CTNNA2: variants seen among roughly 807,000 people sequenced by gnomAD.
CTNNA2 encodes the protein catenin alpha-2.
In CTNNA2, 42 loss-of-function variants were observed where a neutral mutation model predicts 101.0. That is an observed-to-expected ratio of 0.42 (90% confidence interval 0.32 to 0.54). The LOEUF (loss-of-function observed/expected upper bound fraction) is 0.54. Ranked by LOEUF, CTNNA2 falls within the 20% of genes least tolerant of loss-of-function variation. The probability of loss-of-function intolerance (pLI) is 0.14; values close to 1 mark genes in which losing one functional copy is unlikely to be tolerated. For synonymous variants in CTNNA2, 450 were observed against 456.4 expected (o/e 0.99, Z 0.18); for missense variants, 871 against 1,223.1 (o/e 0.71, Z 4.29).
chr2:80,253,730 G>A (rs571910461), intron 7 of CTNNA2, among the ~76,000 whole-genome samples: 4 of 152,230 alleles, frequency 2.6e-5, no homozygotes, highest in African/African-American at 7.2e-5. Flanking sequence ...GATTCTGGAA[G>A]CATCATTGTA....
chr2:79,594,250 C>G (rs894334730), intron 1 of CTNNA2, among the ~76,000 whole-genome samples: 1 of 151,984 alleles, frequency 6.6e-6, no homozygotes, highest in Non-Finnish European at 1.5e-5. Context: ...TCTAAACCCC[C>G]CTACTGATTG....
intron 7 of CTNNA2, among the ~76,000 whole-genome samples, chr2:80,099,170 C>T (rs1573074187): frequency 6.6e-6 from 1 of 151,940 alleles, no homozygotes; most frequent in South Asian, 2.1e-4. Flanking sequence ...TGTTTCAATT[C>T]TTATGGTGGT....
rs1354958628 is a variant in CTNNA2, at chr2:79,756,742, A to G, written c.298+12160A>G. ...ATTGCACAAGATAACCAGTAACTCA[A>G]CATAAAAATGGGTGAAAGCCCTGAA... On this transcript the variant is annotated intron_variant, in intron 3 of 18. Coordinates refer to ENST00000402739, the MANE Select transcript of CTNNA2 (RefSeq NM_001282597.3). Among the ~76,000 whole-genome samples the G allele has an allele frequency of 2.0e-5, 3 of 152,346 alleles. No individual in the cohort carries two copies. The East Asian group carries it at 5.8e-4, about 29-fold the overall frequency.
At chr2:79,814,985 G>A (rs542040541) in intron 3 of CTNNA2, among the ~76,000 whole-genome samples, 1 of 152,240 alleles carries the variant, frequency 6.6e-6, no homozygotes, top group African/African-American at 2.4e-5. Context: ...GAGTAAGGTG[G>A]TATCACATTG....
At chr2:79,339,619 T>C (rs1677084310) in intron 3 of CTNNA2, 1 of 152,228 alleles carries the variant, frequency 6.6e-6, no homozygotes, top group Non-Finnish European at 1.5e-5. Flanking sequence ...TTACAGATGA[T>C]GAAACTGTGG....
chr2:79,227,544 C>G (rs557174368), intron 2 of CTNNA2, among the ~76,000 whole-genome samples: 1 of 152,124 alleles, frequency 6.6e-6, no homozygotes, highest in African/African-American at 2.4e-5. Flanking sequence ...AAGTTTGATT[C>G]CAGACAACCA....
At chr2:79,891,666 G>A (rs1574243938) in intron 6 of CTNNA2, among the ~76,000 whole-genome samples, 1 of 152,104 alleles carries the variant, frequency 6.6e-6, no homozygotes, top group East Asian at 1.9e-4. Flanking sequence ...AAGTCTACAT[G>A]TCAGAATCAC....
chr2:79,844,979 T>TACACACACACACACACACAC (rs59885288), intron 3 of CTNNA2, among the ~76,000 whole-genome samples: 4,375 of 140,166 alleles, frequency 0.031, 105 homozygotes, highest in East Asian at 0.06. Context: ...GAAAACAAAC[T>TACACACACACACACACACAC]ACACACACAC....
chr2:80,206,434 C>A (rs965192535), intron 7 of CTNNA2, among the ~76,000 whole-genome samples: 1 of 152,130 alleles, frequency 6.6e-6, no homozygotes, highest in Non-Finnish European at 1.5e-5. Context: ...TAGGGAAGAT[C>A]CTTGTATTTG....
chr2:80,619,174 C>A lies in CTNNA2; in HGVS notation c.2520C>A (p.Leu840=). The part of the protein sequence containing the change: ...GGRASQLSTH[L]PTCAEGAPIG... ...GGGCTAGTCAACTTTCTACCCACCT[C>A]CCAACCTGTGCTGAGGGAGCTCCGA... The change falls in exon 18 of 19, where the codon CTC becomes CTA. Residue 840 remains leucine, a synonymous_variant. Coordinates refer to ENST00000402739, the MANE Select transcript of CTNNA2 (RefSeq NM_001282597.3). 6.3e-7 allele frequency: 1 copy of A among 1,584,522 alleles called. No homozygotes were observed.
In CTNNA2 at chr2:80,619,119, A is replaced by T; in HGVS notation, c.2465A>T (p.Glu822Val). ...CAGAGCACTTTCACTACCTTTTATG[A>T]GGTAGATTGTGATGTCATAGATGGG... ...GVQSTFTTFY[E>V]VDCDVIDGGR... The change falls in exon 18 of 19, where the codon GAG becomes GTG. Residue 822 changes from glutamate to valine, a missense_variant. Around this residue, in one of 5 missense-constraint regions of CTNNA2, gnomAD observed 65 missense variants for 53.3 expected, o/e 1.22. Coordinates refer to ENST00000402739, the MANE Select transcript of CTNNA2 (RefSeq NM_001282597.3). 9.7e-6 allele frequency: 15 copies of T among 1,540,108 alleles called. No homozygotes were observed. The highest frequency in any genetic ancestry group is 1.3e-5 in the Non-Finnish European group (15 of 1,141,426).
chr2:80,161,295 C>A (rs754569277), intron 7 of CTNNA2, among the ~76,000 whole-genome samples: 3 of 152,058 alleles, frequency 2.0e-5, no homozygotes, highest in Non-Finnish European at 4.4e-5. Context: ...GGATTACAGG[C>A]GTGAGCCCCC....
At chr2:79,707,558 T>C (rs1420962318) in intron 2 of CTNNA2, among the ~76,000 whole-genome samples, 1 of 152,224 alleles carries the variant, frequency 6.6e-6, no homozygotes, top group Non-Finnish European at 1.5e-5. Flanking sequence ...CCTTTATTAC[T>C]ACACAGAGGA....
intron 7 of CTNNA2, among the ~76,000 whole-genome samples, chr2:80,235,635 C>T (rs1430909578): frequency 6.6e-6 from 1 of 152,136 alleles, no homozygotes; most frequent in Non-Finnish European, 1.5e-5. Context: ...CTCCCATTTG[C>T]CTGAGCCTCA....
chr2:79,368,431 C>T (rs1432728819), intron 3 of CTNNA2, among the ~76,000 whole-genome samples: 1 of 152,214 alleles, frequency 6.6e-6, no homozygotes, highest in Non-Finnish European at 1.5e-5. Context: ...CACAGTGTCA[C>T]CACATCCTGT....
At chr2:79,538,732 G>A (rs1381147088) in intron 1 of CTNNA2, among the ~76,000 whole-genome samples, 1 of 152,172 alleles carries the variant, frequency 6.6e-6, no homozygotes. Context: ...GTCAGAAGAA[G>A]GCTGGGAACA....
intron 13 of CTNNA2, among the ~76,000 whole-genome samples, chr2:80,578,104 G>A (rs2149711338): frequency 6.6e-6 from 1 of 152,254 alleles, no homozygotes; most frequent in South Asian, 2.1e-4. Flanking sequence ...GTATGACCCT[G>A]GTCAAGCCAC....
At chr2:79,988,449 A>G (rs939621065) in intron 7 of CTNNA2, among the ~76,000 whole-genome samples, 1 of 142,340 alleles carries the variant, frequency 7.0e-6, no homozygotes, top group African/African-American at 2.6e-5. Flanking sequence ...TTGCTCTTCT[A>G]TATGAAGTGT....
At chr2:79,755,897 A>C (rs1028029509) in intron 3 of CTNNA2, among the ~76,000 whole-genome samples, 6 of 152,196 alleles carry the variant, frequency 3.9e-5, no homozygotes, top group African/African-American at 1.4e-4. Context: ...AAAGACAAAA[A>C]GAAGTTCCAT....
Sources: gnomAD v4.1 joint callset for allele counts (sites outside exome capture counted in the v4.1 genomes callset) on GRCh38, gnomAD v4.1.1 for gene constraint, gnomAD v4.1.1 regional missense constraint, MANE v1.5 for transcripts, NCBI Gene and HGNC (gene_info 2026-07-23, HGNC 2026-07-21) for gene names.